EEA1: variants seen among roughly 807,000 people sequenced by gnomAD.
EEA1 encodes early endosome antigen 1, 162kD.
Under a neutral mutation model 209.2 loss-of-function variants are expected in EEA1, and 111 were observed. The ratio of observed to expected loss-of-function variants is 0.53; its 90% CI spans 0.45 to 0.62. EEA1 has a LOEUF of 0.62. EEA1 is among the 20% of genes least tolerant of loss of function. EEA1 has a pLI of 0.00. For missense variants in EEA1, 1,343 were observed against 1,530.8 expected (o/e 0.88, Z 2.05); for synonymous variants, 536 against 540.6 (o/e 0.99, Z 0.12).
intron 2 of EEA1, among the ~76,000 whole-genome samples, chr12:92,877,757 C>A (rs1878977416): frequency 6.6e-6 from 1 of 152,062 alleles, no homozygotes; most frequent in South Asian, 2.1e-4. Context: ...GTGATCTTGG[C>A]CTCCCAAAGT....
chr12:92,882,793 A>AC (rs1415759565), intron 2 of EEA1, among the ~76,000 whole-genome samples: 1 of 152,078 alleles, frequency 6.6e-6, no homozygotes, highest in African/African-American at 2.4e-5. Flanking sequence ...GTATATATGT[A>AC]CCATTTCTTT....
At chr12:92,888,314 CT>C (rs1401567048) in intron 2 of EEA1, among the ~76,000 whole-genome samples, 1 of 152,182 alleles carries the variant, frequency 6.6e-6, no homozygotes, top group East Asian at 1.9e-4. Flanking sequence ...GGCGCAGTGG[CT>C]TACGCCTGTA....
intron 3 of EEA1, chr12:92,858,806 T>C: frequency 1.3e-6 from 1 of 784,116 alleles, no homozygotes; most frequent in Non-Finnish European, 2.3e-6. Flanking sequence ...GAGGATACAA[T>C]CTACCACCTA....
chr12:92,865,613 T>C (rs1878347909), intron 2 of EEA1, among the ~76,000 whole-genome samples: 7 of 152,014 alleles, frequency 4.6e-5, no homozygotes, highest in Admixed American at 4.6e-4. Flanking sequence ...CCAACTAGAG[T>C]ACTATGTTAA....
intron 11 of EEA1, among the ~76,000 whole-genome samples, chr12:92,829,065 G>A (rs74600209): frequency 0.019 from 2,835 of 152,232 alleles, 96 homozygotes; most frequent in African/African-American, 0.063. Context: ...TCCTCTCCAT[G>A]ATATTTACAC....
intron 10 of EEA1, among the ~76,000 whole-genome samples, chr12:92,836,827 T>C (rs1357436370): frequency 6.6e-6 from 1 of 151,738 alleles, no homozygotes; most frequent in Non-Finnish European, 1.5e-5. Flanking sequence ...ACTTAACAAT[T>C]AAAAACAACA....
intron 5 of EEA1, among the ~76,000 whole-genome samples, chr12:92,854,847 A>G (rs73217901): frequency 2.0e-5 from 3 of 152,326 alleles, no homozygotes; most frequent in Non-Finnish European, 4.4e-5. Context: ...GCCTGCTTCC[A>G]TCCTGAGAAA....
At chr12:92,891,825 G>T in intron 1 of EEA1, 104 bp from the exon 2 acceptor site, 2 of 745,228 alleles carry the variant, frequency 2.7e-6, no homozygotes, top group Non-Finnish European at 4.4e-6. Flanking sequence ...AAAAGTAGAT[G>T]TCTTTACAAT....
At chr12:92,787,399 T>C (rs966609403) in intron 22 of EEA1, among the ~76,000 whole-genome samples, 1 of 152,136 alleles carries the variant, frequency 6.6e-6, no homozygotes, top group Non-Finnish European at 1.5e-5. Context: ...TATACATTGT[T>C]ATATAATTAA....
chr12:92,871,343 A>C (rs1219521872), intron 2 of EEA1, among the ~76,000 whole-genome samples: 1 of 152,194 alleles, frequency 6.6e-6, no homozygotes, highest in Non-Finnish European at 1.5e-5. Context: ...ACACCGAGGC[A>C]AGGAAAAACC....
intron 20 of EEA1, among the ~76,000 whole-genome samples, chr12:92,800,208 C>T (rs763132714): frequency 2.6e-5 from 4 of 151,976 alleles, no homozygotes; most frequent in Admixed American, 1.3e-4. Flanking sequence ...GCTGACAGAG[C>T]GAGACTCTGT....
At chr12:92,873,014 A>G (rs1878721463) in intron 2 of EEA1, among the ~76,000 whole-genome samples, 2 of 152,208 alleles carry the variant, frequency 1.3e-5, no homozygotes, top group Non-Finnish European at 2.9e-5. Flanking sequence ...GAGAAAGTAA[A>G]TAAAATGAAG....
chr12:92,864,808 G>A (rs1878300994), intron 3 of EEA1, 52 bp downstream of exon 3: 6 of 1,420,504 alleles, frequency 4.2e-6, no homozygotes, highest in Non-Finnish European at 5.6e-6. Context: ...ATTAAACGAC[G>A]ATACCACATG....
chr12:92,853,975 T>C, intron 5 of EEA1, 21 bp from the exon 6 acceptor site: 7 of 1,551,000 alleles, frequency 4.5e-6, no homozygotes, highest in Middle Eastern at 1.7e-4. Context: ...ACAAAAGACA[T>C]AAACAAATGA....
At chr12:92,865,038 A>G (rs1377431633) in intron 2 of EEA1, 51 bp from the exon 3 acceptor site, 4 of 1,399,270 alleles carry the variant, frequency 2.9e-6, no homozygotes, top group Non-Finnish European at 3.9e-6. Context: ...ATATTGTGAA[A>G]TAACAATTTG....
Position 92,929,108 on chromosome 12 carries a change from C to G in EEA1, c.-42G>C. 6 of 1,567,720 alleles carry G rather than the reference C, an allele frequency of 3.8e-6. No homozygotes were observed. Among genetic ancestry groups the G allele is most frequent in the Non-Finnish European group, 4.3e-6 (5 of 1,157,316 alleles). ...GGCGCCGCCGCGGTGACTCTCCAGA[C>G]CCTGCGCGGGGCCACTCACTACTCG... On this transcript the variant is annotated 5_prime_UTR_variant, in exon 1 of 29. Transcript: ENST00000322349.
intron 2 of EEA1, among the ~76,000 whole-genome samples, chr12:92,888,846 T>C (rs1303928136): frequency 6.6e-6 from 1 of 152,104 alleles, no homozygotes; most frequent in African/African-American, 2.4e-5. Context: ...ACATTATGTA[T>C]GTTACAAAAG....
At chr12:92,858,907 T>C (rs1019866110) in intron 3 of EEA1, 2 of 708,030 alleles carry the variant, frequency 2.8e-6, no homozygotes, top group South Asian at 1.5e-5. Context: ...CTTACAGAGG[T>C]TGGGGTGTTC....
rs1029377663 is a variant in EEA1 at position 92,811,399 on chromosome 12, G to A, written c.2079C>T (p.Val693=). 3 of 1,593,270 alleles carry A rather than the reference G, an allele frequency of 1.9e-6. No homozygotes were observed. In the African/African-American group the frequency reaches 4.1e-5, roughly 22 times the overall value. The change falls in exon 17 of 29, where the codon GTC becomes GTT. Residue 693 remains valine (V), a synonymous_variant. Transcript: ENST00000322349. ...CTTGCTTGTCTTGTAACTTTGCAGT[G>A]ACCTGATCCAACTGAGTAGTAATCT... ...LNKITTQLDQ[V]TAKLQDKQEH... is the part of the protein sequence containing the mutation.
Sources: gnomAD v4.1 joint callset for allele counts (sites outside exome capture counted in the v4.1 genomes callset) on GRCh38, gnomAD v4.1.1 for gene constraint, MANE v1.5 for transcripts, NCBI Gene and HGNC (gene_info 2026-07-23, HGNC 2026-07-21) for gene names.